Variants in MBTPS2 observed in about 807,000 individuals in gnomAD.
MBTPS2 encodes membrane-bound transcription factor site-2 protease.
A neutral mutation model predicts 35.4 loss-of-function variants in MBTPS2; 2 were observed. The observed-to-expected ratio is 0.06, with a 90% CI of 0.02 to 0.18. The LOEUF is 0.18. Ranked by LOEUF, MBTPS2 falls within the 10% of genes least tolerant of loss-of-function variation. MBTPS2 has a pLI of 1.00. For synonymous variants in MBTPS2, 125 were observed against 140.4 expected (o/e 0.89, Z 0.77); for missense variants, 244 against 386.5 (o/e 0.63, Z 3.09).
At position 21,885,307 on chromosome X, in the gene MBTPS2, A is replaced by G; in HGVS notation, c.*2652A>G. 1.3e-6 allele frequency: 1 copy of G among 750,546 alleles called. No individual in the cohort carries two copies. Among genetic ancestry groups the G allele is most frequent in the South Asian group, 6.8e-5 (1 of 14,637 alleles). 61.9% of individuals were successfully genotyped at this position (750,546 alleles called of 1,213,427 possible). A position where few individuals can be genotyped will look rare whatever the true frequency, so the allele number is the denominator to read the frequency against. On this transcript the variant is annotated 3_prime_UTR_variant, in exon 11 of 11. Transcript: ENST00000379484. Reference sequence around the variant, plus strand: ...TAATGGTGCACAGGTGTTTTTTTCTATAAATCTTCTGACTGTCCTGTAATT... The same window carrying G: ...TAATGGTGCACAGGTGTTTTTTTCTGTAAATCTTCTGACTGTCCTGTAATT...
Position 21,851,633 on chromosome X carries a change from C to G in MBTPS2, c.542+21C>G, listed in dbSNP as rs373350223. 4 of 1,000,154 alleles carry G rather than the reference C, an allele frequency of 4.0e-6. No homozygotes were observed. In the African/African-American group the frequency reaches 7.7e-5, roughly 19 times the overall value. The allele number at this position is 1,000,154 out of a possible 1,213,427, so 82.4% of individuals were successfully genotyped here. ...ATTAGGTAATGATATTTACCTTTTT[C>G]TTTGTACTACATGCAAAAAAAAGCT... is the stretch of plus-strand genomic sequence containing the variant. On this transcript the variant is annotated intron_variant, in intron 4 of 10. Coordinates refer to ENST00000379484, the MANE Select transcript of MBTPS2 (RefSeq NM_015884.4).
At chrX:21,862,061 T>G (rs1419891317) in intron 5 of MBTPS2, among the ~76,000 whole-genome samples, 2 of 111,746 alleles carry the variant, frequency 1.8e-5, no homozygotes, top group Admixed American at 1.9e-4. Flanking sequence ...TTAGCTCTGC[T>G]ATTCCCAACA....
At chrX:21,856,620 G>A (rs1211815247) in intron 5 of MBTPS2, 1 of 1,212,032 alleles carries the variant, frequency 8.3e-7, no homozygotes, top group Non-Finnish European at 1.1e-6. Flanking sequence ...CGAGGATGTG[G>A]ATGGCAATTG....
chrX:21,878,837 T>C (rs2092955874), intron 9 of MBTPS2, 145 bp downstream of exon 9: 16 of 494,695 alleles, frequency 3.2e-5, no homozygotes, highest in South Asian at 2.7e-4. Flanking sequence ...TTCTTAAGCA[T>C]TAAGTGAAAA....
intron 5 of MBTPS2, among the ~76,000 whole-genome samples, chrX:21,867,016 C>CAAAAA (rs760076000): frequency 1.7e-5 from 1 of 57,253 alleles, no homozygotes. Flanking sequence ...GACTCTGTCT[C>CAAAAA]AAAAAAAAAA....
At chrX:21,878,967 C>G (rs2092956042) in intron 9 of MBTPS2, among the ~76,000 whole-genome samples, 1 of 111,162 alleles carries the variant, frequency 9.0e-6, no homozygotes, top group Non-Finnish European at 1.9e-5. Context: ...AATAGGTGAT[C>G]TCTCAGATGT....
rs370555286 is a variant in MBTPS2, at chrX:21,843,242, A to G, written c.148A>G (p.Ile50Val). Residue 50 changes from isoleucine to valine, a missense_variant, in exon 2 of 11, where the codon ATA becomes GTA. Transcript: ENST00000379484. ...NNGLSISPFH[I>V]RWQTAVFNRA... Reference sequence around the variant, plus strand: ...CGGACTGAGCATCTCCCCTTTCCACATAAGATGGCAAACTGCTGTTTTCAA... The same window carrying G: ...CGGACTGAGCATCTCCCCTTTCCACGTAAGATGGCAAACTGCTGTTTTCAA... 5.8e-6 allele frequency: 7 copies of G among 1,209,025 alleles called. No individual in the cohort carries two copies. The African/African-American group carries it at 8.7e-5, about 15-fold the overall frequency.
At chrX:21,845,826 G>C (rs1213150819) in intron 3 of MBTPS2, among the ~76,000 whole-genome samples, 1 of 112,154 alleles carries the variant, frequency 8.9e-6, no homozygotes, top group Non-Finnish European at 1.9e-5. Context: ...AGACCTTTCT[G>C]AATGGTCACT....
intron 5 of MBTPS2, among the ~76,000 whole-genome samples, chrX:21,865,535 T>C (rs1388905282): frequency 8.9e-6 from 1 of 112,505 alleles, no homozygotes; most frequent in Non-Finnish European, 1.9e-5. Context: ...AAAACCCTGT[T>C]CTTATTTGTA....
intron 8 of MBTPS2, 52 bp from the exon 9 acceptor site, chrX:21,878,445 T>G (rs2092955419): frequency 1.2e-5 from 11 of 918,183 alleles, no homozygotes; most frequent in Non-Finnish European, 1.6e-5. Flanking sequence ...GAATGTAACT[T>G]AGGTTTTTCT....
In MBTPS2 at chrX:21,882,436, C is replaced by T; in HGVS notation, c.1341C>T (p.Tyr447=). The T allele has an allele frequency of 8.3e-7, 1 of 1,207,215 alleles. No individual in the cohort carries two copies. The highest frequency in any genetic ancestry group is 2.2e-5 in the Admixed American group (1 of 46,069). Residue 447 remains tyrosine (Y), a synonymous_variant, in exon 11 of 11, where the codon TAC becomes TAT. Transcript: ENST00000379484. The part of the protein sequence containing the change: ...LPVVVETFVK[Y]LISLSGALAI... Reference sequence around the variant, plus strand: ...TCCTTAACTGATTTTAACCCAGGTACCTGATTTCCCTCTCAGGAGCTCTGG... The same window carrying T: ...TCCTTAACTGATTTTAACCCAGGTATCTGATTTCCCTCTCAGGAGCTCTGG...
In MBTPS2 at chrX:21,853,468, T is replaced by C. The variant is rs748348333; in HGVS notation, c.635T>C (p.Ile212Thr). The C allele has an allele frequency of 3.3e-6, 4 of 1,208,991 alleles. No individual in the cohort carries two copies. Among genetic ancestry groups the C allele is most frequent in the South Asian group, 1.8e-5 (1 of 56,940 alleles). The change falls in exon 5 of 11, where the codon ATA (isoleucine) becomes ACA (threonine). Residue 212 changes from isoleucine to threonine, a missense_variant. By Grantham distance (89) the Ile-to-Thr change is moderately conservative. Transcript: ENST00000379484. ...VDLFTTHLQL[I>T]SPVQQLRIFC... Reference sequence around the variant, plus strand: ...CTGTTCACCACTCATTTGCAACTTATATCGCCAGTCCAGCAGCTAAGGATA... The same window carrying C: ...CTGTTCACCACTCATTTGCAACTTACATCGCCAGTCCAGCAGCTAAGGATA...
Position 21,847,085 on chromosome X carries a change from C to T in MBTPS2, c.438+1701C>T, listed in dbSNP as rs190834331. On this transcript the variant is annotated intron_variant, in intron 3 of 10. Coordinates refer to ENST00000379484, the MANE Select transcript of MBTPS2 (RefSeq NM_015884.4). ...AGTTTAGGATGACTCTCAGGTTACA[C>T]AATTGGTTCTTGTTCAACAAGAAAG... is the stretch of plus-strand genomic sequence containing the variant. 2.5e-3 allele frequency among the ~76,000 whole-genome samples: 282 copies of T among 111,676 alleles called. 2 individuals carry two copies. Among genetic ancestry groups the T allele is most frequent in the African/African-American group, 8.4e-3 (259 of 30,745 alleles).
At chrX:21,871,270 G>A (rs1329238022) in intron 7 of MBTPS2, 1 of 111,712 alleles carries the variant, frequency 9.0e-6, no homozygotes, top group Non-Finnish European at 1.9e-5. Context: ...CATTTTTCTT[G>A]GTAAGTTGGA....
At chrX:21,859,901 T>G (rs1215231923) in intron 5 of MBTPS2, among the ~76,000 whole-genome samples, 6 of 110,754 alleles carry the variant, frequency 5.4e-5, no homozygotes, top group Non-Finnish European at 1.9e-5. Context: ...GACATCAGCC[T>G]GGGCAACATG....
intron 3 of MBTPS2, among the ~76,000 whole-genome samples, chrX:21,848,776 A>G: frequency 8.9e-6 from 1 of 112,385 alleles, no homozygotes; most frequent in South Asian, 3.7e-4. Flanking sequence ...GAATTAATGG[A>G]ATTTAGAAAA....
chrX:21,883,552 A>G lies in MBTPS2; in HGVS notation c.*897A>G. ...AGCTTGGAACCCTTCCAGGGTAAAC[A>G]TTTTCTCTTGTGCTGCTCAGGACAT... On this transcript the variant is annotated 3_prime_UTR_variant, in exon 11 of 11. Transcript: ENST00000379484. The G allele has an allele frequency of 5.3e-6, 4 of 753,379 alleles. No individual in the cohort carries two copies. Among genetic ancestry groups the G allele is most frequent in the Non-Finnish European group, 6.3e-6 (4 of 639,171 alleles). 62.1% of individuals were successfully genotyped at this position (753,379 alleles called of 1,213,427 possible).
At chrX:21,858,978 G>A (rs988804988) in intron 5 of MBTPS2, among the ~76,000 whole-genome samples, 4 of 107,775 alleles carry the variant, frequency 3.7e-5, no homozygotes, top group African/African-American at 1.4e-4. Flanking sequence ...GGCTGAGGTG[G>A]GTGGATCACT....
At chrX:21,840,594 TGGG>T (rs1007031932) in intron 1 of MBTPS2, among the ~76,000 whole-genome samples, 1 of 111,558 alleles carries the variant, frequency 9.0e-6, no homozygotes, top group Non-Finnish European at 1.9e-5. Context: ...AATTGAGTAC[TGGG>T]GGGTAGGGGA....
Sources: allele counts gnomAD v4.1 joint callset (sites outside exome capture counted in the v4.1 genomes callset), GRCh38; gene constraint gnomAD v4.1.1; transcripts MANE v1.5; gene names NCBI Gene and HGNC (gene_info 2026-07-23, HGNC 2026-07-21).